NELL2: variants seen among roughly 807,000 people sequenced by gnomAD.
NELL2 encodes neural EGFL like 2.
Under a neutral mutation model 109.6 loss-of-function variants are expected in NELL2, and 41 were observed. The observed-to-expected ratio is 0.37, with a 90% CI of 0.29 to 0.49. NELL2 has a LOEUF of 0.49. NELL2 is among the 20% of genes least tolerant of loss of function. The probability of loss-of-function intolerance (pLI) is 0.98; values close to 1 mark genes in which losing one functional copy is unlikely to be tolerated. For missense variants in NELL2, 900 were observed against 1,008.3 expected, an observed-to-expected ratio of 0.89 and a Z score of 1.45; for synonymous variants, 355 against 344.7, an observed-to-expected ratio of 1.03 and a Z score of -0.33.
At chr12:44,814,837 T>A (rs746634666) in intron 3 of NELL2, among the ~76,000 whole-genome samples, 11 of 152,230 alleles carry the variant, frequency 7.2e-5, no homozygotes, top group Non-Finnish European at 1.3e-4. Context: ...TTAGTAAAGA[T>A]GTGCAAAGTC....
intron 13 of NELL2, among the ~76,000 whole-genome samples, chr12:44,633,139 T>A (rs999797354): frequency 6.6e-6 from 1 of 151,914 alleles, no homozygotes; most frequent in Non-Finnish European, 1.5e-5. Context: ...GGTTAATAGA[T>A]GCTAAGAGGA....
Position 44,920,142 on chromosome 12 carries a change from CAG to C in NELL2, c.-32+1646_-32+1647del, listed in dbSNP as rs1385704906. The stretch of plus-strand genomic sequence containing the variant: ...AATGTATGTTAATAGAATGAGAAAA[CAG>C]AAAATAGGGAGAATTTTGAAATATA... On this transcript the variant is annotated intron_variant, in intron 1 of 9. Transcript: ENST00000552993. Among the ~76,000 whole-genome samples, 4 of 151,836 alleles carry C rather than the reference CAG, an allele frequency of 2.6e-5. No individual in the cohort carries two copies. In the East Asian group the frequency reaches 7.7e-4, roughly 29 times the overall value.
intron 3 of NELL2, among the ~76,000 whole-genome samples, chr12:44,808,322 C>T (rs1165466788): frequency 1.3e-5 from 2 of 151,954 alleles, no homozygotes; most frequent in Non-Finnish European, 2.9e-5. Flanking sequence ...ATGAGAAATT[C>T]CATTTGCTTG....
intron 2 of NELL2, among the ~76,000 whole-genome samples, chr12:44,834,571 GACA>G (rs1185715973): frequency 6.6e-6 from 1 of 151,936 alleles, no homozygotes; most frequent in Non-Finnish European, 1.5e-5. Context: ...GCCCCTCCTG[GACA>G]ACAATTTAGC....
intron 9 of NELL2, among the ~76,000 whole-genome samples, chr12:44,727,084 T>G (rs1939120325): frequency 1.3e-5 from 2 of 152,068 alleles, no homozygotes; most frequent in African/African-American, 4.8e-5. Context: ...TAACCAGGCC[T>G]CAAGGGATAC....
chr12:44,744,616 G>A (rs968782719), intron 9 of NELL2, among the ~76,000 whole-genome samples: 2 of 152,096 alleles, frequency 1.3e-5, no homozygotes, highest in Admixed American at 6.5e-5. Context: ...TGATAAAGGG[G>A]ATATCACCAC....
chr12:44,719,904 A>G (rs747246936), intron 9 of NELL2, among the ~76,000 whole-genome samples: 1 of 152,198 alleles, frequency 6.6e-6, no homozygotes, highest in Non-Finnish European at 1.5e-5. Flanking sequence ...CATTTTTGAA[A>G]AGAATGTACA....
At chr12:44,881,780 G>C (rs1477186981) in intron 1 of NELL2, 3 of 151,974 alleles carry the variant, frequency 2.0e-5, no homozygotes, top group African/African-American at 7.3e-5. Context: ...TAAACTTACA[G>C]ATTCAAGGAG....
At chr12:44,634,787 G>A (rs1214913392) in intron 13 of NELL2, among the ~76,000 whole-genome samples, 2 of 152,030 alleles carry the variant, frequency 1.3e-5, no homozygotes, top group South Asian at 2.1e-4. Flanking sequence ...ACACTCCCAC[G>A]AACAGTGTAA....
At chr12:44,688,746 A>T (rs1948810723) in intron 12 of NELL2, among the ~76,000 whole-genome samples, 1 of 152,188 alleles carries the variant, frequency 6.6e-6, no homozygotes, top group Admixed American at 6.5e-5. Flanking sequence ...TGGCATTTTT[A>T]AAAAATAATT....
chr12:44,556,301 C>T (rs1195116703), intron 15 of NELL2, among the ~76,000 whole-genome samples: 1 of 152,134 alleles, frequency 6.6e-6, no homozygotes, highest in East Asian at 1.9e-4. Context: ...AAAGCAGGTG[C>T]TTACCCAGAG....
chr12:44,659,218 C>CA (rs1449956629), intron 13 of NELL2, among the ~76,000 whole-genome samples: 1 of 152,128 alleles, frequency 6.6e-6, no homozygotes, highest in African/African-American at 2.4e-5. Flanking sequence ...AAGACTTAAA[C>CA]ATAAGACCTA....
intron 2 of NELL2, among the ~76,000 whole-genome samples, chr12:44,831,089 G>GT (rs1214334266): frequency 1.3e-5 from 2 of 151,934 alleles, no homozygotes; most frequent in Admixed American, 6.6e-5. Context: ...CCCTCTTGAA[G>GT]TTTTTCCCAC....
intron 2 of NELL2, among the ~76,000 whole-genome samples, chr12:44,849,052 G>T (rs1461524057): frequency 6.6e-6 from 1 of 152,062 alleles, no homozygotes; most frequent in Non-Finnish European, 1.5e-5. Flanking sequence ...GATTATTTAG[G>T]TCTGTTTCTT....
chr12:44,556,750 A>C (rs1943271317), intron 15 of NELL2, among the ~76,000 whole-genome samples: 2 of 152,234 alleles, frequency 1.3e-5, no homozygotes, highest in African/African-American at 4.8e-5. Flanking sequence ...ACTCTGCCAG[A>C]AACGCTATGC....
At chr12:44,920,889 AGTCT>A (rs1566623218) in intron 1 of NELL2, among the ~76,000 whole-genome samples, 1 of 152,160 alleles carries the variant, frequency 6.6e-6, no homozygotes, top group African/African-American at 2.4e-5. Context: ...ACAACTCTGG[AGTCT>A]GTCTGTTGCT....
chr12:44,679,162 G>A (rs1948416200), intron 12 of NELL2, among the ~76,000 whole-genome samples: 1 of 152,110 alleles, frequency 6.6e-6, no homozygotes, highest in African/African-American at 2.4e-5. Flanking sequence ...ATTACTCCCG[G>A]GAGGAGAGGT....
intron 19 of NELL2, among the ~76,000 whole-genome samples, chr12:44,512,680 T>A (rs1037118842): frequency 3.9e-5 from 6 of 152,052 alleles, no homozygotes; most frequent in Admixed American, 6.6e-5. Context: ...ACAACATGGA[T>A]GAGACTTGGA....
intron 13 of NELL2, among the ~76,000 whole-genome samples, chr12:44,658,532 T>G (rs1228287375): frequency 2.6e-5 from 4 of 152,154 alleles, no homozygotes; most frequent in African/African-American, 9.7e-5. Context: ...AATTTATAGA[T>G]TCAATGCTAT....
Sources: gnomAD v4.1 joint callset for allele counts (sites outside exome capture counted in the v4.1 genomes callset) on GRCh38, gnomAD v4.1.1 for gene constraint, MANE v1.5 for transcripts, NCBI Gene and HGNC (gene_info 2026-07-23, HGNC 2026-07-21) for gene names.